The following ALOX5 variants were observed in gnomAD, a reference collection of about 807,000 sequenced individuals.
The protein encoded by ALOX5 is arachidonate 5-lipoxygenase, also known as polyunsaturated fatty acid 5-lipoxygenase.
A neutral mutation model predicts 87.9 loss-of-function variants in ALOX5; 64 were observed. The observed-to-expected ratio is 0.73, with a 90% CI of 0.60 to 0.90. ALOX5 has a LOEUF of 0.90. Ranked by LOEUF, ALOX5 falls within the 40% of genes least tolerant of loss-of-function variation. ALOX5 has a pLI of 0.00. For missense variants in ALOX5, 822 were observed against 907.5 expected (o/e 0.91, Z 1.21); for synonymous variants, 388 against 355.1 (o/e 1.09, Z -1.04).
At chr10:45,428,544 T>C in intron 6 of ALOX5, 74 bp from the exon 7 acceptor site, 1 of 1,577,672 alleles carries the variant, frequency 6.3e-7, no homozygotes, top group Non-Finnish European at 8.7e-7. Context: ...CCAGAGGTCA[T>C]CACTCTTTCC....
intron 6 of ALOX5, 48 bp from the exon 7 acceptor site, chr10:45,428,569 TG>T: frequency 6.2e-7 from 1 of 1,608,194 alleles, no homozygotes; most frequent in Admixed American, 1.7e-5. Context: ...GCCTGATTTT[TG>T]GTCCGTCTGC....
intron 4 of ALOX5, 109 bp downstream of exon 4, chr10:45,412,422 T>C: frequency 7.0e-7 from 1 of 1,418,988 alleles, no homozygotes; most frequent in African/African-American, 1.4e-5. Context: ...GGGAACAGCC[T>C]AGCTGAGCCA....
chr10:45,374,539 A>C (rs1403490449), intron 1 of ALOX5, 110 bp downstream of exon 1: 11 of 1,121,904 alleles, frequency 9.8e-6, no homozygotes, highest in Admixed American at 3.9e-5. Flanking sequence ...GGCGGCCCGG[A>C]CAGGACTGGG....
intron 2 of ALOX5, among the ~76,000 whole-genome samples, chr10:45,395,514 G>A (rs1840465173): frequency 6.6e-6 from 1 of 151,972 alleles, no homozygotes; most frequent in African/African-American, 2.4e-5. Flanking sequence ...TAAATGACGA[G>A]TTAATGGGTG....
At chr10:45,416,134 T>C (rs368985407) in intron 4 of ALOX5, among the ~76,000 whole-genome samples, 4 of 152,110 alleles carry the variant, frequency 2.6e-5, no homozygotes, top group African/African-American at 9.7e-5. Context: ...TTTCTAAACA[T>C]TGTGTCGGTG....
At chr10:45,391,089 C>CTCTCCCTCTCCT (rs1840224322) in intron 2 of ALOX5, among the ~76,000 whole-genome samples, 4 of 138,810 alleles carry the variant, frequency 2.9e-5, no homozygotes, top group African/African-American at 1.1e-4. Context: ...CTCCCTCTCC[C>CTCTCCCTCTCCT]TCTCCCCACG....
Position 45,443,799 on chromosome 10 carries a change from G to T in ALOX5, c.1645G>T (p.Ala549Ser), listed in dbSNP as rs753702775. The change falls in exon 12 of 14, where the codon GCC becomes TCC. Residue 549 changes from alanine (A) to serine (S), a missense_variant. Coordinates refer to ENST00000374391, the MANE Select transcript of ALOX5 (RefSeq NM_000698.5). ...YLTVVIFTAS[A>S]QHAAVNFGQY... ...GACCGTGGTGATCTTCACCGCCTCCGCCCAGCACGCCGCGGTCAACTTCGG... is the reference window on the plus strand; with the variant it reads ...GACCGTGGTGATCTTCACCGCCTCCTCCCAGCACGCCGCGGTCAACTTCGG... The T allele has an allele frequency of 6.2e-7, 1 of 1,610,422 alleles. No individual in the cohort carries two copies. Among genetic ancestry groups the T allele is most frequent in the Non-Finnish European group, 8.5e-7 (1 of 1,178,666 alleles).
At chr10:45,400,079 TG>T (rs1418068317) in intron 3 of ALOX5, among the ~76,000 whole-genome samples, 2 of 152,216 alleles carry the variant, frequency 1.3e-5, no homozygotes, top group African/African-American at 4.8e-5. Context: ...AACAGTTTAG[TG>T]GTTCCTCAAA....
intron 2 of ALOX5, among the ~76,000 whole-genome samples, chr10:45,393,827 C>T (rs1288683812): frequency 6.6e-6 from 1 of 152,084 alleles, no homozygotes; most frequent in Non-Finnish European, 1.5e-5. Flanking sequence ...AAACAGAGAG[C>T]CAAATCAGGA....
chr10:45,437,116 G>T (rs1262133756), intron 7 of ALOX5, among the ~76,000 whole-genome samples: 1 of 152,204 alleles, frequency 6.6e-6, no homozygotes, highest in African/African-American at 2.4e-5. Context: ...ACTTTGGGAG[G>T]CCGAGGTGGG....
At chr10:45,377,342 C>G (rs1839652003) in intron 1 of ALOX5, among the ~76,000 whole-genome samples, 1 of 151,324 alleles carries the variant, frequency 6.6e-6, no homozygotes, top group Non-Finnish European at 1.5e-5. Context: ...CATTCTGCCC[C>G]CTCTTCTGCC....
intron 3 of ALOX5, among the ~76,000 whole-genome samples, chr10:45,398,650 TCAATA>T (rs1840596795): frequency 6.6e-6 from 1 of 152,074 alleles, no homozygotes; most frequent in Admixed American, 6.6e-5. Context: ...CTCTTACAAC[TCAATA>T]AAGACAAATA....
intron 7 of ALOX5, among the ~76,000 whole-genome samples, chr10:45,437,001 C>A (rs185731239): frequency 1.1e-4 from 17 of 152,250 alleles, no homozygotes; most frequent in Admixed American, 8.5e-4. Flanking sequence ...ACTGAGATCA[C>A]CACGTTCCTG....
chr10:45,391,091 C>T (rs1372764336), intron 2 of ALOX5, among the ~76,000 whole-genome samples: 6 of 137,370 alleles, frequency 4.4e-5, no homozygotes, highest in Admixed American at 7.3e-5. Flanking sequence ...CCCTCTCCCT[C>T]TCCCCACGGT....
intron 4 of ALOX5, among the ~76,000 whole-genome samples, chr10:45,413,058 T>C (rs1445611297): frequency 6.6e-6 from 1 of 151,948 alleles, no homozygotes; most frequent in East Asian, 1.9e-4. Flanking sequence ...TTCCAATCAA[T>C]AGAAAAAGAG....
chr10:45,407,399 TTTTCC>T (rs1334873676), intron 3 of ALOX5, among the ~76,000 whole-genome samples: 1 of 151,600 alleles, frequency 6.6e-6, no homozygotes, highest in African/African-American at 2.4e-5. Context: ...TCCTTTTTTT[TTTTCC>T]CCCCCACCTA....
In ALOX5 at chr10:45,392,082, GT is replaced by G. The variant is rs1840300147; in HGVS notation, c.350-3772del. ...GCCAGCCGCCCCGTCCGAGAGGGAG[GT>G]GGGGGGGTCAGCCCCCCGCCCGGCC... On this transcript the variant is annotated intron_variant, in intron 2 of 13. Transcript: ENST00000374391. 3.3e-5 allele frequency among the ~76,000 whole-genome samples: 5 copies of G among 151,704 alleles called. No homozygotes were observed. In the South Asian group the frequency reaches 8.3e-4, roughly 25 times the overall value.
chr10:45,374,509 G>C, intron 1 of ALOX5, 80 bp downstream of exon 1: 10 of 1,302,772 alleles, frequency 7.7e-6, no homozygotes, highest in Non-Finnish European at 8.0e-6. Flanking sequence ...GCCTGGGCGG[G>C]GGCGCCGAGG....
At chr10:45,407,614 G>A (rs1427793051) in intron 3 of ALOX5, among the ~76,000 whole-genome samples, 2 of 152,136 alleles carry the variant, frequency 1.3e-5, no homozygotes, top group Non-Finnish European at 2.9e-5. Context: ...GGGAAAAATA[G>A]TTATTCATGC....
Sources: allele counts gnomAD v4.1 joint callset (sites outside exome capture counted in the v4.1 genomes callset), GRCh38; gene constraint gnomAD v4.1.1; transcripts MANE v1.5; gene names NCBI Gene and HGNC (gene_info 2026-07-23, HGNC 2026-07-21).